SGCD: variants seen among roughly 807,000 people sequenced by gnomAD.
SGCD encodes the protein sarcoglycan delta.
SGCD carries 18 observed loss-of-function variants against 36.6 expected under a neutral mutation model. That is an observed-to-expected ratio of 0.49 (90% CI 0.34 to 0.73). SGCD has a LOEUF of 0.73. Among genes scored for constraint, SGCD ranks in the 30% least tolerant of loss-of-function variants. The pLI is 0.01. For synonymous variants in SGCD, 133 were observed against 130.6 expected (o/e 1.02, Z -0.12); for missense variants, 387 against 346.7 (o/e 1.12, Z -0.92).
chr5:156,585,315 A>G (rs1312133484), intron 4 of SGCD, among the ~76,000 whole-genome samples: 3 of 152,208 alleles, frequency 2.0e-5, no homozygotes, highest in African/African-American at 4.8e-5. Flanking sequence ...GTAACTTGCT[A>G]TGCTTTTAAA....
At chr5:156,301,446 T>A (rs1767052033) in intron 3 of SGCD, among the ~76,000 whole-genome samples, 1 of 152,114 alleles carries the variant, frequency 6.6e-6, no homozygotes, top group Admixed American at 6.5e-5. Context: ...TCTCTTTATA[T>A]CTTATTATAC....
At chr5:156,183,775 G>A (rs1351665002) in intron 3 of SGCD, among the ~76,000 whole-genome samples, 1 of 152,176 alleles carries the variant, frequency 6.6e-6, no homozygotes, top group Non-Finnish European at 1.5e-5. Flanking sequence ...ACTCTATCAA[G>A]AGGAAGGGGA....
At chr5:156,611,853 C>T (rs1761827041) in intron 6 of SGCD, among the ~76,000 whole-genome samples, 1 of 152,140 alleles carries the variant, frequency 6.6e-6, no homozygotes, top group South Asian at 2.1e-4. Flanking sequence ...TTATGCTTAA[C>T]CAAATTTGTT....
intron 1 of SGCD, among the ~76,000 whole-genome samples, chr5:156,094,923 C>T (rs1761339309): frequency 6.6e-6 from 1 of 152,110 alleles, no homozygotes; most frequent in African/African-American, 2.4e-5. Flanking sequence ...ATCACCTGAA[C>T]CTGGGAGGTG....
chr5:155,952,069 G>A (rs1757558962), intron 1 of SGCD, among the ~76,000 whole-genome samples: 2 of 152,094 alleles, frequency 1.3e-5, no homozygotes, highest in Admixed American at 6.6e-5. Flanking sequence ...CTCCTTGATG[G>A]TAAAGAAAGA....
At chr5:155,928,623 G>A (rs1290790650) in intron 1 of SGCD, among the ~76,000 whole-genome samples, 19 of 134,154 alleles carry the variant, frequency 1.4e-4, no homozygotes, top group African/African-American at 5.5e-4. Context: ...AGCCGAGATC[G>A]CACCACTGCA....
chr5:156,086,426 C>T (rs1289061741), intron 1 of SGCD, among the ~76,000 whole-genome samples: 2 of 152,146 alleles, frequency 1.3e-5, no homozygotes, highest in Non-Finnish European at 2.9e-5. Flanking sequence ...AGGCTCTATG[C>T]CTTAAAGAAG....
At chr5:156,283,836 A>G (rs185819000) in intron 3 of SGCD, among the ~76,000 whole-genome samples, 12 of 152,302 alleles carry the variant, frequency 7.9e-5, no homozygotes, top group South Asian at 6.2e-4. Context: ...CGACCTCAGA[A>G]TAGAAGATTA....
chr5:156,432,156 C>A (rs948154568), intron 3 of SGCD, among the ~76,000 whole-genome samples: 3 of 152,196 alleles, frequency 2.0e-5, no homozygotes, highest in African/African-American at 7.2e-5. Context: ...CCAGCATCTG[C>A]TCTGATGGAG....
At chr5:156,570,838 C>T (rs1419110293) in intron 4 of SGCD, among the ~76,000 whole-genome samples, 1 of 152,238 alleles carries the variant, frequency 6.6e-6, no homozygotes, top group South Asian at 2.1e-4. Flanking sequence ...GGTGGTGTTC[C>T]CCAGCTTTCT....
chr5:155,921,261 A>G (rs1041894678), intron 1 of SGCD, among the ~76,000 whole-genome samples: 1 of 152,242 alleles, frequency 6.6e-6, no homozygotes, highest in Non-Finnish European at 1.5e-5. Context: ...AATTTGAGGG[A>G]CAGCAGTTTC....
At chr5:155,996,921 G>GA (rs1561677057) in intron 1 of SGCD, among the ~76,000 whole-genome samples, 8 of 131,068 alleles carry the variant, frequency 6.1e-5, no homozygotes, top group African/African-American at 2.3e-4. Context: ...AGACAGACAG[G>GA]CAGGCAGACA....
intron 1 of SGCD, among the ~76,000 whole-genome samples, chr5:155,936,897 C>T (rs1322781171): frequency 6.6e-6 from 1 of 152,188 alleles, no homozygotes; most frequent in Non-Finnish European, 1.5e-5. Flanking sequence ...GGGGCTGAGG[C>T]GGCAGGAGGC....
chr5:156,672,019 C>T (rs1753316764), intron 7 of SGCD, among the ~76,000 whole-genome samples: 1 of 152,162 alleles, frequency 6.6e-6, no homozygotes. Context: ...CCCCATGACC[C>T]AAACACCTCC....
chr5:156,308,062 T>C (rs1767276949), intron 3 of SGCD, among the ~76,000 whole-genome samples: 1 of 152,220 alleles, frequency 6.6e-6, no homozygotes, highest in South Asian at 2.1e-4. Context: ...ATTTCCCTTG[T>C]ATTTACCTTT....
chr5:155,866,241 C>T (rs1755522370), upstream of SGCD, among the ~76,000 whole-genome samples: 2 of 152,104 alleles, frequency 1.3e-5, no homozygotes, highest in South Asian at 4.1e-4. Flanking sequence ...CTCTACCTCT[C>T]TCTCTTTCTC....
At chr5:156,606,402 TA>T (rs1449977533) in intron 6 of SGCD, among the ~76,000 whole-genome samples, 1 of 152,234 alleles carries the variant, frequency 6.6e-6, no homozygotes. Flanking sequence ...TCCATTGGTC[TA>T]TATCTCTGTT....
chr5:156,640,483 C>G (rs1374772294), intron 6 of SGCD, among the ~76,000 whole-genome samples: 1 of 131,238 alleles, frequency 7.6e-6, no homozygotes, highest in African/African-American at 2.5e-5. Flanking sequence ...ACCTGTGTTG[C>G]TACAATAAAA....
the SGCD span, among the ~76,000 whole-genome samples, chr5:155,780,401 C>A: frequency 6.6e-6 from 1 of 152,120 alleles, no homozygotes; most frequent in Non-Finnish European, 1.5e-5. Context: ...ATGGTGTATT[C>A]TTTTTCTTTC....
Sources: gnomAD v4.1 joint callset for allele counts (sites outside exome capture counted in the v4.1 genomes callset) on GRCh38, gnomAD v4.1.1 for gene constraint, MANE v1.5 for transcripts, NCBI Gene and HGNC (gene_info 2026-07-23, HGNC 2026-07-21) for gene names.